FMNL3: variants seen among roughly 807,000 people sequenced by gnomAD.
FMNL3 encodes the protein formin-like protein 3.
Under a neutral mutation model 119.6 loss-of-function variants are expected in FMNL3, and 57 were observed. That is an observed-to-expected ratio of 0.48 (90% CI 0.39 to 0.59). The LOEUF is 0.59. Among genes scored for constraint, FMNL3 ranks in the 20% least tolerant of loss-of-function variants. The pLI is 0.00. For synonymous variants in FMNL3, 491 were observed against 507.3 expected (o/e 0.97, Z 0.43); for missense variants, 1,053 against 1,323.5 (o/e 0.80, Z 3.17).
chr12:49,671,668 A>T (rs1944050027), intron 1 of FMNL3, among the ~76,000 whole-genome samples: 1 of 152,224 alleles, frequency 6.6e-6, no homozygotes, highest in Non-Finnish European at 1.5e-5. Context: ...CTCTGCCCTT[A>T]GGAATGACAA....
Position 49,707,031 on chromosome 12 carries a change from G to A in FMNL3, c.126+24C>T, listed in dbSNP as rs1321237682. 6 of 1,562,062 alleles carry A rather than the reference G, an allele frequency of 3.8e-6. No homozygotes were observed. The Admixed American group carries it at 1.2e-4, about 30-fold the overall frequency. Reference sequence around the variant, plus strand: ...GGGACCTGAGGGGCGGTACGCGGGGGAAGGGGCTGGGCTCAGCTCTCACCA... The same window carrying A: ...GGGACCTGAGGGGCGGTACGCGGGGAAAGGGGCTGGGCTCAGCTCTCACCA... On this transcript the variant is annotated intron_variant, in intron 1 of 25. Coordinates refer to ENST00000335154, the MANE Select transcript of FMNL3 (RefSeq NM_175736.5).
intron 1 of FMNL3, among the ~76,000 whole-genome samples, chr12:49,703,361 G>A (rs1272171769): frequency 6.6e-6 from 1 of 152,098 alleles, no homozygotes; most frequent in Non-Finnish European, 1.5e-5. Context: ...ACCAGAGATT[G>A]GCTCTCATTC....
chr12:49,652,277 G>A (rs760864868), intron 13 of FMNL3, 65 bp from the exon 14 acceptor site: 14 of 1,538,222 alleles, frequency 9.1e-6, no homozygotes, highest in Non-Finnish European at 1.2e-5. Flanking sequence ...CCCCAAGAGT[G>A]AGAATTCCTA....
intron 25 of FMNL3, 177 bp downstream of exon 25, chr12:49,646,708 GA>G: frequency 6.5e-7 from 1 of 1,543,896 alleles, no homozygotes; most frequent in Non-Finnish European, 8.7e-7. Context: ...GAAGAAGCGT[GA>G]GCCCCGCTTG....
intron 1 of FMNL3, among the ~76,000 whole-genome samples, chr12:49,690,974 C>G (rs138843926): frequency 3.9e-5 from 6 of 152,310 alleles, no homozygotes; most frequent in African/African-American, 1.4e-4. Context: ...GCCCAGGAGG[C>G]TGAGGCTACA....
At chr12:49,704,118 C>A (rs1944981234) in intron 1 of FMNL3, among the ~76,000 whole-genome samples, 1 of 152,126 alleles carries the variant, frequency 6.6e-6, no homozygotes, top group South Asian at 2.1e-4. Context: ...TAAATCCACA[C>A]AACAACCTCA....
rs564084218 is a variant in FMNL3 at position 49,699,516 on chromosome 12, A to G, written c.126+7539T>C. ...GTCCCAGCTGCAGAACACAGACCCA[A>G]TGAGTCCTGAGAAAGGGCTTTTTCA... On this transcript the variant is annotated intron_variant, in intron 1 of 25. Coordinates refer to ENST00000335154, the MANE Select transcript of FMNL3 (RefSeq NM_175736.5). Among the ~76,000 whole-genome samples, 5 of 152,328 alleles carry G rather than the reference A, an allele frequency of 3.3e-5. No homozygotes were observed. In the East Asian group the frequency reaches 5.8e-4, roughly 18 times the overall value.
chr12:49,664,176 C>T (rs1943820689), intron 4 of FMNL3, among the ~76,000 whole-genome samples: 1 of 152,200 alleles, frequency 6.6e-6, no homozygotes, highest in Non-Finnish European at 1.5e-5. Context: ...GCCTGGGAGG[C>T]AGAGGTTGCA....
chr12:49,651,516 T>C (rs1453065422), intron 14 of FMNL3, 66 bp from the exon 15 acceptor site: 2 of 1,207,552 alleles, frequency 1.7e-6, no homozygotes, highest in Non-Finnish European at 1.1e-6. Context: ...TTCCCTCCCC[T>C]CTGCCTGTCC....
At chr12:49,693,700 G>C (rs917768875) in intron 1 of FMNL3, among the ~76,000 whole-genome samples, 1 of 131,644 alleles carries the variant, frequency 7.6e-6, no homozygotes, top group Non-Finnish European at 1.6e-5. Context: ...CCAGGCTGGA[G>C]TGCAATGGTG....
chr12:49,667,239 A>C (rs1235960599), intron 2 of FMNL3, among the ~76,000 whole-genome samples: 1 of 152,048 alleles, frequency 6.6e-6, no homozygotes, highest in Non-Finnish European at 1.5e-5. Context: ...GAATGATATA[A>C]TGTTAGAGAG....
intron 1 of FMNL3, among the ~76,000 whole-genome samples, chr12:49,692,298 C>CT (rs1944628167): frequency 6.6e-6 from 1 of 151,706 alleles, no homozygotes; most frequent in African/African-American, 2.4e-5. Flanking sequence ...CTACTGCACT[C>CT]TGAGCTAGGC....
intron 1 of FMNL3, among the ~76,000 whole-genome samples, chr12:49,683,023 C>T (rs930930826): frequency 2.0e-5 from 3 of 152,176 alleles, no homozygotes; most frequent in Admixed American, 6.5e-5. Context: ...CCTCACTTCC[C>T]CTACTGTCTC....
chr12:49,653,437 G>C, intron 12 of FMNL3, 110 bp from the exon 13 acceptor site: 1 of 1,121,808 alleles, frequency 8.9e-7, no homozygotes, highest in Non-Finnish European at 1.3e-6. Context: ...AGGCCACAAA[G>C]GCAGCTTAGT....
intron 6 of FMNL3, among the ~76,000 whole-genome samples, chr12:49,658,178 C>G (rs1352401179): frequency 6.6e-6 from 1 of 152,102 alleles, no homozygotes; most frequent in Non-Finnish European, 1.5e-5. Flanking sequence ...GAAGGGCTCC[C>G]CCAGAGAGGG....
At chr12:49,677,011 C>T (rs565680374) in intron 1 of FMNL3, among the ~76,000 whole-genome samples, 16 of 152,270 alleles carry the variant, frequency 1.1e-4, no homozygotes, top group Admixed American at 2.0e-4. Context: ...TTGGGCAAAT[C>T]GAATTTCTCC....
Position 49,649,352 on chromosome 12 carries a change from T to C in FMNL3, c.2305-13A>G. 1 of 1,614,164 alleles carries C rather than the reference T, an allele frequency of 6.2e-7. No individual in the cohort carries two copies. The highest frequency in any genetic ancestry group is 8.5e-7 in the Non-Finnish European group (1 of 1,180,026). ...GTGCAAGTATGATCTGTCCAAAGAA[T>C]GTGTGGGAGGCAGGTCAGGCTCAGG... is the stretch of plus-strand genomic sequence containing the variant. On this transcript the variant is annotated splice_polypyrimidine_tract_variant and intron_variant, in intron 19 of 25. Transcript: ENST00000335154. The surrounding 1 kb of genome is among the most constrained non-coding windows in gnomAD (Gnocchi z 5.6).
At chr12:49,671,841 C>G (rs1944054544) in intron 1 of FMNL3, among the ~76,000 whole-genome samples, 1 of 152,138 alleles carries the variant, frequency 6.6e-6, no homozygotes, top group Non-Finnish European at 1.5e-5. Context: ...CATTGAGACC[C>G]TTGCTGAGCA....
chr12:49,681,481 G>C (rs1288548683), intron 1 of FMNL3, among the ~76,000 whole-genome samples: 1 of 152,118 alleles, frequency 6.6e-6, no homozygotes, highest in Admixed American at 6.5e-5. Flanking sequence ...GAGCCACTGC[G>C]CCCTGCCTGA....
Sources: gnomAD v4.1 joint callset for allele counts (sites outside exome capture counted in the v4.1 genomes callset) on GRCh38, gnomAD v4.1.1 for gene constraint, Gnocchi (gnomAD v3.1) non-coding constraint, MANE v1.5 for transcripts, NCBI Gene and HGNC (gene_info 2026-07-23, HGNC 2026-07-21) for gene names.